Variants in SLCO2A1 observed in about 807,000 individuals in gnomAD.
SLCO2A1 encodes solute carrier organic anion transporter family member 2A1, also known as matrin F/G 1.
SLCO2A1 carries 60 observed loss-of-function variants against 71.7 expected under a neutral mutation model. The ratio of observed to expected loss-of-function variants is 0.84; its 90% CI spans 0.68 to 1.04. The LOEUF is 1.04. Among genes scored for constraint, SLCO2A1 ranks in the 50% least tolerant of loss-of-function variants. The probability of loss-of-function intolerance (pLI) is 0.00; values close to 1 mark genes in which losing one functional copy is unlikely to be tolerated. For synonymous variants in SLCO2A1, 308 were observed against 326.7 expected, an observed-to-expected ratio of 0.94 and a Z score of 0.62; for missense variants, 745 against 813.4, an observed-to-expected ratio of 0.92 and a Z score of 1.02.
At chr3:133,987,313 G>C (rs912590593) in intron 1 of SLCO2A1, among the ~76,000 whole-genome samples, 3 of 151,784 alleles carry the variant, frequency 2.0e-5, no homozygotes, top group African/African-American at 7.3e-5. Flanking sequence ...CCTGAAGTCT[G>C]ATAAGAAACA....
chr3:133,998,740 A>G (rs775853926), intron 1 of SLCO2A1: 1 of 152,236 alleles, frequency 6.6e-6, no homozygotes. Flanking sequence ...GAGTGGGTCT[A>G]CAGACATTTC....
intron 3 of SLCO2A1, among the ~76,000 whole-genome samples, chr3:133,958,854 A>G (rs77744162): frequency 0.014 from 2,121 of 152,268 alleles, 80 homozygotes; most frequent in East Asian, 0.11. Context: ...AGTTCCCTAA[A>G]ACCTCAGGTT....
intron 5 of SLCO2A1, among the ~76,000 whole-genome samples, chr3:133,952,404 T>C (rs1371341158): frequency 6.6e-6 from 1 of 152,228 alleles, no homozygotes; most frequent in Non-Finnish European, 1.5e-5. Context: ...GTGGGAGTGC[T>C]CTTCCTGGAG....
intron 1 of SLCO2A1, among the ~76,000 whole-genome samples, chr3:134,026,623 C>T (rs1334583747): frequency 2.6e-5 from 4 of 152,222 alleles, no homozygotes; most frequent in African/African-American, 7.2e-5. Flanking sequence ...ACGTGATCAA[C>T]TGAATCATAC....
chr3:133,954,917 C>T (rs1477188811), intron 4 of SLCO2A1, 49 bp downstream of exon 4: 6 of 1,484,176 alleles, frequency 4.0e-6, no homozygotes, highest in Non-Finnish European at 3.7e-6. Flanking sequence ...TCAAGTGCTA[C>T]ATCAGGACCT....
At chr3:133,974,709 G>T (rs1464981188) in intron 2 of SLCO2A1, among the ~76,000 whole-genome samples, 1 of 152,218 alleles carries the variant, frequency 6.6e-6, no homozygotes, top group Non-Finnish European at 1.5e-5. Flanking sequence ...GGGGAGTAAG[G>T]TCTTCAATGG....
Position 134,029,882 on chromosome 3 carries a change from G to A in SLCO2A1, c.-80C>T. ...TGGAGCGGCCGGGCGGGTGAGAGGC[G>A]ACCGCGGCGGCAGTGGCCGGAGGAG... On this transcript the variant is annotated 5_prime_UTR_variant, in exon 1 of 14. Coordinates refer to ENST00000310926, the MANE Select transcript of SLCO2A1 (RefSeq NM_005630.3). 1 of 749,558 alleles carries A rather than the reference G, an allele frequency of 1.3e-6. No homozygotes were observed. The highest frequency in any genetic ancestry group is 1.8e-6 in the Non-Finnish European group (1 of 544,640). The allele number at this position is 749,558 out of a possible 1,614,324, so 46.4% of individuals were successfully genotyped here.
At chr3:133,939,735 C>G (rs1933366972) in intron 11 of SLCO2A1, among the ~76,000 whole-genome samples, 1 of 152,154 alleles carries the variant, frequency 6.6e-6, no homozygotes, top group Non-Finnish European at 1.5e-5. Context: ...GGGCAGACTC[C>G]CCTAGATTCT....
At chr3:133,938,382 C>T (rs371361549) in intron 12 of SLCO2A1, 47 bp downstream of exon 12, 3 of 1,541,242 alleles carry the variant, frequency 1.9e-6, no homozygotes, top group Non-Finnish European at 2.7e-6. Context: ...TTCAGATGCC[C>T]CATCGCCTGG....
At chr3:133,997,039 T>TA (rs1934981402) in intron 1 of SLCO2A1, among the ~76,000 whole-genome samples, 1 of 152,120 alleles carries the variant, frequency 6.6e-6, no homozygotes, top group Non-Finnish European at 1.5e-5. Context: ...GAGGGTCACA[T>TA]AACCGACTGT....
At chr3:134,011,127 T>C (rs1935333315) in intron 1 of SLCO2A1, among the ~76,000 whole-genome samples, 1 of 152,220 alleles carries the variant, frequency 6.6e-6, no homozygotes, top group Non-Finnish European at 1.5e-5. Flanking sequence ...CTCGGCTCAC[T>C]GCAACCTCCG....
At chr3:133,940,263 C>T (rs898110712) in intron 11 of SLCO2A1, among the ~76,000 whole-genome samples, 4 of 152,168 alleles carry the variant, frequency 2.6e-5, no homozygotes, top group Non-Finnish European at 4.4e-5. Context: ...CCACCACACC[C>T]GGCCTACAAA....
At chr3:133,936,233 G>A (rs930167248) in intron 12 of SLCO2A1, among the ~76,000 whole-genome samples, 4 of 152,162 alleles carry the variant, frequency 2.6e-5, no homozygotes, top group African/African-American at 9.7e-5. Flanking sequence ...GTGGCAGGAG[G>A]CTCTCCAGGC....
intron 1 of SLCO2A1, among the ~76,000 whole-genome samples, chr3:134,018,050 T>A (rs1935497167): frequency 6.6e-6 from 1 of 152,050 alleles, no homozygotes; most frequent in African/African-American, 2.4e-5. Context: ...AACTGAAAGC[T>A]AAGGAGGGCT....
At chr3:134,029,002 G>T (rs1935757631) in intron 1 of SLCO2A1, among the ~76,000 whole-genome samples, 1 of 151,794 alleles carries the variant, frequency 6.6e-6, no homozygotes, top group African/African-American at 2.4e-5. Flanking sequence ...GAGTGGACCT[G>T]CTTAGACCTT....
Position 133,934,494 on chromosome 3 carries a change from C to T in SLCO2A1, c.*219G>A, listed in dbSNP as rs1933215878. 2.3e-6 allele frequency: 1 copy of T among 442,754 alleles called. No individual in the cohort carries two copies. The highest frequency in any genetic ancestry group is 4.1e-6 in the Non-Finnish European group (1 of 244,220). The allele number at this position is 442,754 out of a possible 1,614,324, so 27.4% of individuals were successfully genotyped here. A position where few individuals can be genotyped will look rare whatever the true frequency, so the allele number is the denominator to read the frequency against. ...TTCCAAGGGGCCAGGGAAGACTCAG[C>T]CCCCCAGTTCTGGCCCACACAGCCC... On this transcript the variant is annotated 3_prime_UTR_variant, in exon 14 of 14. Coordinates refer to ENST00000310926, the MANE Select transcript of SLCO2A1 (RefSeq NM_005630.3).
intron 1 of SLCO2A1, among the ~76,000 whole-genome samples, chr3:133,982,415 C>A (rs142219821): frequency 1.3e-5 from 2 of 152,168 alleles, no homozygotes; most frequent in Admixed American, 1.3e-4. Flanking sequence ...CCAGAACTTT[C>A]GCCAGAGTTT....
intron 1 of SLCO2A1, among the ~76,000 whole-genome samples, chr3:134,004,110 G>A (rs199956335): frequency 5.2e-4 from 4 of 7,650 alleles, no homozygotes; most frequent in Non-Finnish European, 4.5e-3. Flanking sequence ...GTGTGTGTGT[G>A]TGTGTGTGTG....
At position 133,973,677 on chromosome 3, in the gene SLCO2A1, G is replaced by A. The variant is rs375290522; in HGVS notation, c.383C>T (p.Thr128Ile). 1.1e-5 allele frequency: 17 copies of A among 1,613,794 alleles called. No individual in the cohort carries two copies. The highest frequency in any genetic ancestry group is 5.0e-5 in the Admixed American group (3 of 59,986). Reference sequence around the variant, plus strand: ...AAGCCACTCACCAGTGCTGGCCAAGGTGTACTGGTAGGGCTCGGAGAGGAA... The same window carrying A: ...AAGCCACTCACCAGTGCTGGCCAAGATGTACTGGTAGGGCTCGGAGAGGAA... ...PHFLSEPYQYTLASTGNNSRL... is the reference protein window; with the variant it reads ...PHFLSEPYQYILASTGNNSRL... Residue 128 changes from threonine (T) to isoleucine (I), a missense_variant, in exon 3 of 14, where the codon ACC becomes ATC. By Grantham distance (89) the Thr-to-Ile change is moderately conservative. Transcript: ENST00000310926.
Sources: gnomAD v4.1 joint callset for allele counts (sites outside exome capture counted in the v4.1 genomes callset) on GRCh38, gnomAD v4.1.1 for gene constraint, MANE v1.5 for transcripts, NCBI Gene and HGNC (gene_info 2026-07-23, HGNC 2026-07-21) for gene names.